The following SYT1 variants were observed in gnomAD, a reference collection of about 807,000 sequenced individuals.
The protein encoded by SYT1 is synaptotagmin-1.
A neutral mutation model predicts 44.8 loss-of-function variants in SYT1; 8 were observed. The ratio of observed to expected loss-of-function variants is 0.18; its 90% CI spans 0.10 to 0.32. The LOEUF (loss-of-function observed/expected upper bound fraction) is 0.32, where lower values mean the gene tolerates loss of function less well. Among genes scored for constraint, SYT1 ranks in the 10% least tolerant of loss-of-function variants. SYT1 has a pLI of 1.00. For synonymous variants in SYT1, 154 were observed against 188.8 expected (o/e 0.82, Z 1.51); for missense variants, 286 against 509.3 (o/e 0.56, Z 4.22).
At chr12:79,390,119 G>T (rs1235485675) in intron 9 of SYT1, among the ~76,000 whole-genome samples, 1 of 151,876 alleles carries the variant, frequency 6.6e-6, no homozygotes, top group Non-Finnish European at 1.5e-5. Context: ...CTTTTTAATA[G>T]AGACGGGGTT....
At chr12:79,269,878 G>C (rs1373462509) in intron 4 of SYT1, among the ~76,000 whole-genome samples, 1 of 152,130 alleles carries the variant, frequency 6.6e-6, no homozygotes, top group Non-Finnish European at 1.5e-5. Flanking sequence ...AGCCATTTTA[G>C]GCTATAATGA....
chr12:79,118,935 C>T (rs962604802), intron 3 of SYT1, among the ~76,000 whole-genome samples: 5 of 152,198 alleles, frequency 3.3e-5, no homozygotes, highest in African/African-American at 1.2e-4. Flanking sequence ...CAACTGCCTA[C>T]TAAACATCTC....
intron 1 of SYT1, among the ~76,000 whole-genome samples, chr12:78,918,692 G>T (rs1025529375): frequency 1.3e-5 from 2 of 152,012 alleles, no homozygotes; most frequent in African/African-American, 4.8e-5. Context: ...GAGACCAACT[G>T]GGGCCAGATT....
intron 2 of SYT1, among the ~76,000 whole-genome samples, chr12:79,019,063 C>T (rs1249072244): frequency 6.6e-6 from 1 of 151,930 alleles, no homozygotes; most frequent in Non-Finnish European, 1.5e-5. Flanking sequence ...GTTGCCAAAC[C>T]TCAATTTTAT....
Position 79,228,666 on chromosome 12 carries a change from C to A in SYT1, c.166+10981C>A, listed in dbSNP as rs185002796. Among the ~76,000 whole-genome samples the A allele has an allele frequency of 3.6e-3, 548 of 152,236 alleles. 2 individuals carry two copies. In the Middle Eastern group the frequency reaches 0.037, roughly 10 times the overall value. Reference sequence around the variant, plus strand: ...CATGCTCTTTTTGGGCAGTTTCATTCACCTAGCCATTCAAATAAAAAAATC... The same window carrying A: ...CATGCTCTTTTTGGGCAGTTTCATTAACCTAGCCATTCAAATAAAAAAATC... On this transcript the variant is annotated intron_variant, in intron 4 of 10. Transcript: ENST00000261205.
At position 79,339,365 on chromosome 12, in the gene SYT1, A is replaced by T. The variant is rs542167870; in HGVS notation, c.811-14137A>T. The stretch of plus-strand genomic sequence containing the variant: ...TGACTTTTTAATGATCGCCATTCTA[A>T]CTGTTGTGAGATAGTATCTCATTGT... On this transcript the variant is annotated intron_variant, in intron 8 of 10. Transcript: ENST00000261205. Among the ~76,000 whole-genome samples the T allele has an allele frequency of 1.4e-3, 212 of 152,282 alleles. 4 individuals are homozygous for T. Among genetic ancestry groups the T allele is most frequent in the African/African-American group, 4.9e-3 (202 of 41,544 alleles).
intron 2 of SYT1, among the ~76,000 whole-genome samples, chr12:78,995,130 T>G (rs994522549): frequency 6.6e-6 from 1 of 152,206 alleles, no homozygotes; most frequent in East Asian, 1.9e-4. Flanking sequence ...GGCTGGGCAT[T>G]AGGATTTTTT....
intron 3 of SYT1, among the ~76,000 whole-genome samples, chr12:79,130,770 C>T (rs1868760385): frequency 6.6e-6 from 1 of 152,088 alleles, no homozygotes; most frequent in Non-Finnish European, 1.5e-5. Context: ...TAATTTGGTC[C>T]TTTGTCTTTG....
At chr12:79,209,442 A>G (rs900325828) in intron 3 of SYT1, among the ~76,000 whole-genome samples, 53 of 152,302 alleles carry the variant, frequency 3.5e-4, no homozygotes, top group Admixed American at 1.3e-3. Flanking sequence ...AACTGAAGGA[A>G]GCAGATGTGC....
intron 3 of SYT1, among the ~76,000 whole-genome samples, chr12:79,216,564 CAGA>C (rs1361337702): frequency 2.0e-5 from 3 of 152,126 alleles, no homozygotes; most frequent in Non-Finnish European, 4.4e-5. Context: ...CTTCATATTT[CAGA>C]AGGTGGATAA....
In SYT1 at chr12:79,042,238, G is replaced by A. The variant is rs1446922862; in HGVS notation, c.-83-5059G>A. Among the ~76,000 whole-genome samples the A allele has an allele frequency of 5.3e-5, 8 of 152,010 alleles. No homozygotes were observed. In the South Asian group the frequency reaches 6.2e-4, roughly 12 times the overall value. ...CTTATACCTCTGGTAGAATTCGGCT[G>A]TGAATCCATCTGGTCCTGGACTCTT... On this transcript the variant is annotated intron_variant, in intron 2 of 10. Coordinates refer to ENST00000261205, the MANE Select transcript of SYT1 (RefSeq NM_005639.3).
chr12:79,090,842 A>C (rs983377124), intron 3 of SYT1, among the ~76,000 whole-genome samples: 1 of 151,992 alleles, frequency 6.6e-6, no homozygotes, highest in Admixed American at 6.6e-5. Context: ...CATTGTGCAG[A>C]GAAGGTCTAT....
chr12:79,367,365 A>T (rs942176235), intron 9 of SYT1, among the ~76,000 whole-genome samples: 1 of 152,172 alleles, frequency 6.6e-6, no homozygotes, highest in Non-Finnish European at 1.5e-5. Flanking sequence ...AAGTGGCAGG[A>T]CCTGGTCCCA....
At chr12:79,200,713 G>A (rs990278751) in intron 3 of SYT1, among the ~76,000 whole-genome samples, 8 of 152,120 alleles carry the variant, frequency 5.3e-5, no homozygotes, top group Non-Finnish European at 1.2e-4. Flanking sequence ...AGTAACTGGG[G>A]AAAGAGATTT....
At position 79,404,976 on chromosome 12, in the gene SYT1, T is replaced by A. The variant is rs150768999; in HGVS notation, c.929-39097T>A. ...CAGAACTACTTGAAAATTGCATTATTTAACTGTGTCCAGATGGAATAGAGA... is the reference window on the plus strand; with the variant it reads ...CAGAACTACTTGAAAATTGCATTATATAACTGTGTCCAGATGGAATAGAGA... On this transcript the variant is annotated intron_variant, in intron 9 of 10. Coordinates refer to ENST00000261205, the MANE Select transcript of SYT1 (RefSeq NM_005639.3). 1.1e-4 allele frequency among the ~76,000 whole-genome samples: 17 copies of A among 152,238 alleles called. No homozygotes were observed. In the East Asian group the frequency reaches 3.3e-3, roughly 29 times the overall value.
intron 4 of SYT1, among the ~76,000 whole-genome samples, chr12:79,262,700 A>G (rs1209378411): frequency 1.3e-5 from 2 of 152,146 alleles, no homozygotes; most frequent in African/African-American, 4.8e-5. Flanking sequence ...TAGCTCCTCA[A>G]CGCTTCTTCT....
intron 9 of SYT1, among the ~76,000 whole-genome samples, chr12:79,427,993 T>A (rs1480036563): frequency 2.0e-5 from 3 of 152,218 alleles, no homozygotes. Flanking sequence ...TGCTTATGAA[T>A]GTTGAATTAC....
At chr12:78,876,877 T>TATATTATATATAATATATTATAC (rs1565697852) in intron 1 of SYT1, among the ~76,000 whole-genome samples, 7 of 53,504 alleles carry the variant, frequency 1.3e-4, no homozygotes, top group Non-Finnish European at 1.9e-4. Context: ...ATATATTATA[T>TATATTATATATAATATATTATAC]GTATTATATA....
chr12:79,310,424 G>C (rs1163082416), intron 8 of SYT1, among the ~76,000 whole-genome samples: 1 of 152,114 alleles, frequency 6.6e-6, no homozygotes, highest in Non-Finnish European at 1.5e-5. Context: ...CTGTAGCCTT[G>C]TAGTATAGTT....
Sources: allele counts gnomAD v4.1 joint callset (sites outside exome capture counted in the v4.1 genomes callset), GRCh38; gene constraint gnomAD v4.1.1; transcripts MANE v1.5; gene names NCBI Gene and HGNC (gene_info 2026-07-23, HGNC 2026-07-21).